SYN3: variants seen among roughly 807,000 people sequenced by gnomAD.
The protein encoded by SYN3 is synapsin-3.
A neutral mutation model predicts 65.8 loss-of-function variants in SYN3; 35 were observed. The ratio of observed to expected loss-of-function variants is 0.53; its 90% confidence interval spans 0.41 to 0.70. The LOEUF is 0.70. Ranked by LOEUF, SYN3 falls within the 30% of genes least tolerant of loss-of-function variation. SYN3 has a pLI of 0.00. For synonymous variants in SYN3, 270 were observed against 292.9 expected (o/e 0.92, Z 0.80); for missense variants, 680 against 749.0 (o/e 0.91, Z 1.08).
chr22:32,537,916 G>T, intron 9 of SYN3, 120 bp downstream of exon 9: 1 of 806,340 alleles, frequency 1.2e-6, no homozygotes, highest in Non-Finnish European at 2.1e-6. Context: ...AAAGTGCTCT[G>T]TGGATGGTGA....
intron 8 of SYN3, among the ~76,000 whole-genome samples, chr22:32,539,690 G>A (rs2146225312): frequency 6.6e-6 from 1 of 152,158 alleles, no homozygotes; most frequent in African/African-American, 2.4e-5. Flanking sequence ...CTTTGGAGAT[G>A]GGCCAGCCCA....
chr22:32,954,585 T>C lies in SYN3; in HGVS notation c.370-23104A>G, dbSNP rs142063881. On this transcript the variant is annotated intron_variant, in intron 3 of 13. Transcript: ENST00000358763. ...GTGAAAAAGTGTCCTCGCAGCCCTC[T>C]GGCTCTCCTGATGGATGGGTTCTGG... 2.4e-4 allele frequency among the ~76,000 whole-genome samples: 37 copies of C among 152,364 alleles called. No homozygotes were observed. In the East Asian group the frequency reaches 6.9e-3, roughly 29 times the overall value.
chr22:33,043,793 G>A (rs1342758439), intron 1 of SYN3, among the ~76,000 whole-genome samples: 1 of 152,016 alleles, frequency 6.6e-6, no homozygotes, highest in Non-Finnish European at 1.5e-5. Flanking sequence ...AGTGGCTCAC[G>A]CCTGTAATCC....
intron 3 of SYN3, among the ~76,000 whole-genome samples, chr22:32,949,329 G>T (rs2051215443): frequency 6.6e-6 from 1 of 151,874 alleles, no homozygotes; most frequent in African/African-American, 2.4e-5. Flanking sequence ...CAGGCAGGAG[G>T]ATGCTTGAGC....
intron 6 of SYN3, among the ~76,000 whole-genome samples, chr22:32,696,555 T>A: frequency 6.6e-6 from 1 of 152,262 alleles, no homozygotes; most frequent in Admixed American, 6.5e-5. Flanking sequence ...TTTACAAGTA[T>A]GTCTTTTCCA....
intron 6 of SYN3, among the ~76,000 whole-genome samples, chr22:32,854,170 A>G (rs1344997588): frequency 6.6e-6 from 1 of 152,172 alleles, no homozygotes; most frequent in African/African-American, 2.4e-5. Flanking sequence ...AGAAAACACA[A>G]CTGAGTAGAA....
chr22:32,538,520 G>A (rs1389304129), intron 8 of SYN3, among the ~76,000 whole-genome samples: 1 of 152,056 alleles, frequency 6.6e-6, no homozygotes, highest in Non-Finnish European at 1.5e-5. Context: ...ACTTTTCTCT[G>A]GTGAAGATTA....
At chr22:32,914,563 G>A (rs1042512447) in intron 4 of SYN3, among the ~76,000 whole-genome samples, 19 of 151,798 alleles carry the variant, frequency 1.3e-4, no homozygotes, top group African/African-American at 3.9e-4. Context: ...TCAGCCTCCC[G>A]AGTAGCTGGG....
At chr22:32,655,925 G>A (rs1430148425) in intron 6 of SYN3, among the ~76,000 whole-genome samples, 2 of 152,180 alleles carry the variant, frequency 1.3e-5, no homozygotes, top group East Asian at 3.9e-4. Context: ...GTTGGGAGTC[G>A]CTGGACTAAG....
At chr22:32,743,123 AT>A (rs1046133908) in intron 6 of SYN3, among the ~76,000 whole-genome samples, 7 of 152,192 alleles carry the variant, frequency 4.6e-5, no homozygotes, top group African/African-American at 1.4e-4. Flanking sequence ...GATAATCAGC[AT>A]TTTTTTAACA....
intron 10 of SYN3, 136 bp from the exon 11 acceptor site, chr22:32,529,144 C>T (rs755717355): frequency 6.3e-5 from 69 of 1,101,642 alleles, no homozygotes; most frequent in Non-Finnish European, 8.9e-5. Context: ...TGCAAATCAC[C>T]TCCAGCTGGG....
chr22:32,638,213 A>G (rs1398778937), intron 6 of SYN3, among the ~76,000 whole-genome samples: 1 of 143,740 alleles, frequency 7.0e-6, no homozygotes, highest in Non-Finnish European at 1.5e-5. Context: ...TATCCAGGTC[A>G]CTCTTGGTGG....
At chr22:32,658,456 C>T (rs2146987850) in intron 6 of SYN3, among the ~76,000 whole-genome samples, 1 of 152,334 alleles carries the variant, frequency 6.6e-6, no homozygotes, top group African/African-American at 2.4e-5. Context: ...GAGGGACATG[C>T]TGACCCTGCC....
intron 6 of SYN3, among the ~76,000 whole-genome samples, chr22:32,832,456 GA>G (rs937098375): frequency 6.6e-6 from 1 of 150,788 alleles, no homozygotes; most frequent in Non-Finnish European, 1.5e-5. Flanking sequence ...AAAATGAATG[GA>G]AAAAAACAGA....
chr22:32,533,365 T>C (rs1213797164), intron 10 of SYN3, among the ~76,000 whole-genome samples: 2 of 152,100 alleles, frequency 1.3e-5, no homozygotes, highest in East Asian at 3.9e-4. Context: ...CACCCATGCT[T>C]AGCCCATGGG....
intron 3 of SYN3, among the ~76,000 whole-genome samples, chr22:32,980,388 C>T (rs561552466): frequency 5.3e-5 from 8 of 152,272 alleles, no homozygotes; most frequent in East Asian, 3.9e-4. Flanking sequence ...AGCAGCTCTA[C>T]GTGTCTCTCT....
intron 6 of SYN3, among the ~76,000 whole-genome samples, chr22:32,849,180 G>T (rs1225167963): frequency 6.6e-6 from 1 of 152,200 alleles, no homozygotes; most frequent in African/African-American, 2.4e-5. Flanking sequence ...CTCAGGGTCG[G>T]CGGGGGTTGA....
At chr22:32,863,317 A>G (rs1259340400) in intron 6 of SYN3, among the ~76,000 whole-genome samples, 1 of 152,176 alleles carries the variant, frequency 6.6e-6, no homozygotes, top group Non-Finnish European at 1.5e-5. Flanking sequence ...CTAATCACCT[A>G]TTGGTGGTAC....
intron 6 of SYN3, among the ~76,000 whole-genome samples, chr22:32,602,612 C>T (rs1364406512): frequency 1.3e-5 from 2 of 152,136 alleles, no homozygotes; most frequent in African/African-American, 4.8e-5. Context: ...CAGGCACGAG[C>T]CACCATGCCC....
Sources: gnomAD v4.1 joint callset for allele counts (sites outside exome capture counted in the v4.1 genomes callset) on GRCh38, gnomAD v4.1.1 for gene constraint, MANE v1.5 for transcripts, NCBI Gene and HGNC (gene_info 2026-07-23, HGNC 2026-07-21) for gene names.